Variants in IYD observed in about 807,000 individuals in gnomAD.
IYD encodes the protein iodotyrosine deiodinase 1.
Under a neutral mutation model 28.4 loss-of-function variants are expected in IYD, and 25 were observed. The ratio of observed to expected loss-of-function variants is 0.88; its 90% CI spans 0.64 to 1.23. The LOEUF (loss-of-function observed/expected upper bound fraction) is 1.23, where lower values mean the gene tolerates loss of function less well. Among genes scored for constraint, IYD ranks in the 50% most tolerant of loss-of-function variants. The probability of loss-of-function intolerance (pLI) is 0.00; values close to 1 mark genes in which losing one functional copy is unlikely to be tolerated. For synonymous variants in IYD, 140 were observed against 130.8 expected (o/e 1.07, Z -0.48); for missense variants, 352 against 357.9 (o/e 0.98, Z 0.13).
At chr6:150,381,006 C>T (rs1197013472) in intron 1 of IYD, among the ~76,000 whole-genome samples, 4 of 152,154 alleles carry the variant, frequency 2.6e-5, no homozygotes, top group Non-Finnish European at 5.9e-5. Flanking sequence ...CAGAGGTTTA[C>T]AATTTTACAC....
intron 1 of IYD, among the ~76,000 whole-genome samples, chr6:150,370,885 C>T (rs554581084): frequency 1.3e-5 from 2 of 152,200 alleles, no homozygotes; most frequent in Non-Finnish European, 2.9e-5. Flanking sequence ...TGAGTTCCAT[C>T]GAGGACATGT....
chr6:150,371,845 T>C (rs1195108491), intron 1 of IYD, among the ~76,000 whole-genome samples: 3 of 152,186 alleles, frequency 2.0e-5, no homozygotes, highest in Non-Finnish European at 4.4e-5. Context: ...ACATCTCTTA[T>C]GTTGTTTACA....
chr6:150,383,044 TA>T (rs1475187079), intron 1 of IYD, among the ~76,000 whole-genome samples: 3 of 152,214 alleles, frequency 2.0e-5, no homozygotes, highest in Non-Finnish European at 4.4e-5. Context: ...AAAGTACTTA[TA>T]AAAACTTTGT....
chr6:150,395,344 T>C (rs1218460511), intron 4 of IYD: 4 of 1,316,852 alleles, frequency 3.0e-6, no homozygotes, highest in Non-Finnish European at 3.1e-6. Flanking sequence ...AAGAAAAACA[T>C]GTATGTTGAA....
At position 150,389,396 on chromosome 6, in the gene IYD, C is replaced by T. The variant is rs1162075645; in HGVS notation, c.223C>T (p.Pro75Ser). The T allele has an allele frequency of 8.7e-6, 14 of 1,613,642 alleles. No individual in the cohort carries two copies. The highest frequency in any genetic ancestry group is 1.1e-5 in the Non-Finnish European group (13 of 1,179,660). Reference protein sequence around the residue: ...QESEENVEHIPFSHNHYPEKE... With the variant: ...QESEENVEHISFSHNHYPEKE... ...ATCAGAAGAAAATGTTGAACACATC[C>T]CCTTCTCTCATAACCACTATCCTGA... is the stretch of plus-strand genomic sequence containing the variant. Residue 75 changes from proline to serine, a missense_variant, in exon 2 of 5, where the codon CCC (proline) becomes TCC (serine). Coordinates refer to ENST00000344419, the MANE Select transcript of IYD (RefSeq NM_203395.3).
intron 1 of IYD, among the ~76,000 whole-genome samples, chr6:150,374,772 A>T (rs1777385694): frequency 6.6e-6 from 1 of 152,186 alleles, no homozygotes; most frequent in Non-Finnish European, 1.5e-5. Flanking sequence ...ATTTGTTCAG[A>T]TTCTTCTCTG....
At chr6:150,395,049 T>C (rs1778261979) in intron 4 of IYD, among the ~76,000 whole-genome samples, 1 of 152,196 alleles carries the variant, frequency 6.6e-6, no homozygotes, top group South Asian at 2.1e-4. Flanking sequence ...TCTCAACTCC[T>C]GAGCTCAAGT....
chr6:150,376,891 A>G (rs905276433), intron 1 of IYD, among the ~76,000 whole-genome samples: 2 of 152,076 alleles, frequency 1.3e-5, no homozygotes, highest in African/African-American at 4.8e-5. Context: ...CAAAGTGCTG[A>G]GATTACAGGC....
At position 150,396,650 on chromosome 6, in the gene IYD, G is replaced by C. The variant is rs951869606; in HGVS notation, c.688-1405G>C. On this transcript the variant is annotated intron_variant, in intron 4 of 4. Coordinates refer to ENST00000344419, the MANE Select transcript of IYD (RefSeq NM_203395.3). ...AGCACTTTGGGAGGCCAAGGCGGGCGGATCACGAGGTCAGGAGATCGAGAC... is the reference window on the plus strand; with the variant it reads ...AGCACTTTGGGAGGCCAAGGCGGGCCGATCACGAGGTCAGGAGATCGAGAC... 5.6e-5 allele frequency: 24 copies of C among 428,512 alleles called. No homozygotes were observed. In the East Asian group the frequency reaches 7.6e-4, roughly 14 times the overall value. The allele number at this position is 428,512 out of a possible 1,614,324, so 26.5% of individuals were successfully genotyped here.
intron 4 of IYD, chr6:150,396,208 A>T: frequency 3.0e-6 from 1 of 332,746 alleles, no homozygotes; most frequent in Admixed American, 4.7e-5. Context: ...TGCTGCCTAC[A>T]TTTATAAAGG....
In IYD at chr6:150,399,437, G is replaced by A. The variant is rs1388811290; in HGVS notation, c.*1200G>A. On this transcript the variant is annotated 3_prime_UTR_variant, in exon 5 of 5. Transcript: ENST00000344419. ...GTTTGGGACTGATAGGGTCACAGTT[G>A]CCAGGTTGGGAATGCTAGATGTAGT... 1 of 152,232 alleles carries A rather than the reference G, an allele frequency of 6.6e-6. No individual in the cohort carries two copies. The highest frequency in any genetic ancestry group is 2.4e-5 in the African/African-American group (1 of 41,430). 9.4% of individuals were successfully genotyped at this position (152,232 alleles called of 1,614,324 possible).
intron 1 of IYD, among the ~76,000 whole-genome samples, chr6:150,379,687 T>C (rs1440945245): frequency 2.0e-5 from 3 of 152,188 alleles, no homozygotes; most frequent in Non-Finnish European, 4.4e-5. Context: ...ATTCATATCA[T>C]AGAGGAAGAG....
chr6:150,398,224 T>C lies in IYD; in HGVS notation c.857T>C (p.Met286Thr), dbSNP rs1173892900. ...DLKRKPLDQI[M>T]VTV ...AAGCGCAAACCTCTGGACCAGATCA[T>C]GGTGACAGTGTAGGCAGGGCCCCCC... The change falls in exon 5 of 5, where the codon ATG becomes ACG. Residue 286 changes from methionine (M) to threonine (T), a missense_variant. Coordinates refer to ENST00000344419, the MANE Select transcript of IYD (RefSeq NM_203395.3). The C allele has an allele frequency of 5.6e-6, 9 of 1,614,106 alleles. No homozygotes were observed. The East Asian group carries it at 1.3e-4, about 24-fold the overall frequency.
chr6:150,377,538 ATTTG>A, intron 1 of IYD, among the ~76,000 whole-genome samples: 1 of 152,152 alleles, frequency 6.6e-6, no homozygotes, highest in South Asian at 2.1e-4. Context: ...GATGAGGATC[ATTTG>A]TTTGACCATT....
rs1778273881 is a variant in IYD, at chr6:150,395,398, T to C, written c.687+1143T>C. 2.0e-6 allele frequency: 3 copies of C among 1,536,970 alleles called. No homozygotes were observed. The South Asian group carries it at 3.6e-5, about 18-fold the overall frequency. On this transcript the variant is annotated intron_variant, in intron 4 of 4. Coordinates refer to ENST00000344419, the MANE Select transcript of IYD (RefSeq NM_203395.3). ...AGTCATTGAAATGTGTTTTAGGTTT[T>C]TGGAAAAATTATCCTGAAGGAGCTG...
rs891594356 is a variant in IYD at position 150,404,308 on chromosome 6, T to C, written c.*6071T>C. ...TTAAGTTTAGGACTAATCTTGTGTA[T>C]GCTCCTTAAGTGATTTGAATCTTTA... is the stretch of plus-strand genomic sequence containing the variant. On this transcript the variant is annotated 3_prime_UTR_variant, in exon 5 of 5. Transcript: ENST00000344419. 6.6e-6 allele frequency: 1 copy of C among 152,232 alleles called. No individual in the cohort carries two copies. The highest frequency in any genetic ancestry group is 2.4e-5 in the African/African-American group (1 of 41,470). The allele number at this position is 152,232 out of a possible 1,614,324, so 9.4% of individuals were successfully genotyped here.
At chr6:150,389,587 A>G (rs1329104410) in intron 2 of IYD, 44 bp downstream of exon 2, 5 of 1,472,652 alleles carry the variant, frequency 3.4e-6, no homozygotes, top group Non-Finnish European at 4.8e-6. Context: ...TAGTCACCTT[A>G]CTGGTGTGAC....
intron 1 of IYD, among the ~76,000 whole-genome samples, chr6:150,374,964 T>G (rs553788354): frequency 9.2e-5 from 14 of 152,250 alleles, no homozygotes; most frequent in Middle Eastern, 3.4e-3. Flanking sequence ...GTTGGCATGC[T>G]TTGGGGTAAT....
At chr6:150,390,119 G>A (rs1318827179) in intron 2 of IYD, among the ~76,000 whole-genome samples, 1 of 152,146 alleles carries the variant, frequency 6.6e-6, no homozygotes, top group Non-Finnish European at 1.5e-5. Flanking sequence ...GGAGAAATAA[G>A]AGAAAGCTCC....
Sources: allele counts gnomAD v4.1 joint callset (sites outside exome capture counted in the v4.1 genomes callset), GRCh38; gene constraint gnomAD v4.1.1; transcripts MANE v1.5; gene names NCBI Gene and HGNC (gene_info 2026-07-23, HGNC 2026-07-21).